The following DLGAP1 variants were observed in gnomAD, a reference collection of about 807,000 sequenced individuals.
The protein encoded by DLGAP1 is disks large-associated protein 1.
DLGAP1 carries 11 observed loss-of-function variants against 90.8 expected under a neutral mutation model. The observed-to-expected ratio is 0.12, with a 90% CI of 0.08 to 0.20. The LOEUF is 0.20. Among genes scored for constraint, DLGAP1 ranks in the 10% least tolerant of loss-of-function variants. DLGAP1 has a pLI of 1.00. For synonymous variants in DLGAP1, 558 were observed against 540.7 expected (o/e 1.03, Z -0.44); for missense variants, 1,050 against 1,333.8 (o/e 0.79, Z 3.31).
chr18:4,115,240 CCTTTCCCCTCTTTTGGGTACTAT>C (rs1444727581), intron 2 of DLGAP1, among the ~76,000 whole-genome samples: 1 of 151,884 alleles, frequency 6.6e-6, no homozygotes, highest in Non-Finnish European at 1.5e-5. Flanking sequence ...TGTGTCTATT[CCTTTCCCCTCTTTTGGGTACTAT>C]TAATGTTGTG....
At chr18:4,095,616 C>T (rs1014640250) in intron 2 of DLGAP1, among the ~76,000 whole-genome samples, 1 of 151,680 alleles carries the variant, frequency 6.6e-6, no homozygotes, top group South Asian at 2.1e-4. Flanking sequence ...TTCTTGTGCC[C>T]CAAGTCAGGG....
chr18:3,734,779 T>C (rs1442874331), intron 6 of DLGAP1, among the ~76,000 whole-genome samples: 1 of 152,242 alleles, frequency 6.6e-6, no homozygotes, highest in Non-Finnish European at 1.5e-5. Flanking sequence ...CTTTTCTTAC[T>C]AATTTGTAGA....
chr18:4,249,917 A>G (rs1011860716), intron 1 of DLGAP1, among the ~76,000 whole-genome samples: 9 of 152,136 alleles, frequency 5.9e-5, no homozygotes, highest in African/African-American at 2.2e-4. Flanking sequence ...CCATATCCAT[A>G]TATTTATAAA....
chr18:4,063,178 A>C (rs1031576357), intron 2 of DLGAP1, among the ~76,000 whole-genome samples: 3 of 152,220 alleles, frequency 2.0e-5, no homozygotes, highest in Admixed American at 2.0e-4. Context: ...TTCTCTAATG[A>C]GAGGCGATAA....
intron 1 of DLGAP1, among the ~76,000 whole-genome samples, chr18:4,324,055 C>A (rs528297249): frequency 1.2e-4 from 18 of 151,440 alleles, no homozygotes; most frequent in African/African-American, 4.4e-4. Context: ...ATTGAAAAAC[C>A]ATACAAAAGA....
At position 4,067,482 on chromosome 18, in the gene DLGAP1, T is replaced by C. The variant is rs193202535; in HGVS notation, c.-158-62281A>G. Among the ~76,000 whole-genome samples, 511 of 152,176 alleles carry C rather than the reference T, an allele frequency of 3.4e-3. 11 individuals carry two copies. The highest frequency in any genetic ancestry group is 1.0e-3 in the Non-Finnish European group (68 of 67,984). ...TCTCCCTTTGGAATTCAGGCACAGT[T>C]GACCAGCGTTAACATTAAAACAGAC... On this transcript the variant is annotated intron_variant, in intron 2 of 12. Coordinates refer to ENST00000315677, the MANE Select transcript of DLGAP1 (RefSeq NM_004746.4).
rs1452211498 is a variant in DLGAP1, at chr18:3,659,391, T to TTATA, written c.1591+69740_1591+69743dup. ...TCAGGGTAAGCCGTAACACATACAT[T>TTATA]TATACACACACACACACACACACAC... On this transcript the variant is annotated intron_variant, in intron 7 of 12. Coordinates refer to ENST00000315677, the MANE Select transcript of DLGAP1 (RefSeq NM_004746.4). 7.8e-3 allele frequency among the ~76,000 whole-genome samples: 477 copies of TTATA among 61,388 alleles called. 6 individuals carry two copies. Among genetic ancestry groups the TTATA allele is most frequent in the African/African-American group, 0.027 (409 of 14,958 alleles). 40.3% of individuals were successfully genotyped at this position (61,388 alleles called of 152,430 possible).
At chr18:4,320,773 G>A in intron 1 of DLGAP1, among the ~76,000 whole-genome samples, 1 of 144,244 alleles carries the variant, frequency 6.9e-6, no homozygotes, top group Admixed American at 6.9e-5. Flanking sequence ...CAATACCAAT[G>A]CAAAAAGAAA....
At chr18:3,860,928 T>C (rs28484765) in intron 4 of DLGAP1, among the ~76,000 whole-genome samples, 20,766 of 152,282 alleles carry the variant, frequency 0.14, 1,495 homozygotes, top group South Asian at 0.24. Flanking sequence ...TTATCCTCCA[T>C]CCTTCCTTAC....
intron 5 of DLGAP1, among the ~76,000 whole-genome samples, chr18:3,746,871 A>G (rs748317283): frequency 2.6e-5 from 4 of 152,200 alleles, no homozygotes; most frequent in Non-Finnish European, 5.9e-5. Flanking sequence ...ATTGTGTACG[A>G]TTGCATCTAT....
rs371113673 is a variant in DLGAP1, at chr18:4,006,893, C to T, written c.-158-1692G>A. ...GCACTCCTGGCCTCAAGTTATCCTC[C>T]TACCTCGGCCTACTAAAGTGCTGGG... On this transcript the variant is annotated intron_variant, in intron 2 of 12. Transcript: ENST00000315677. 2.9e-4 allele frequency among the ~76,000 whole-genome samples: 44 copies of T among 152,236 alleles called. No homozygotes were observed. In the Middle Eastern group the frequency reaches 0.014, roughly 47 times the overall value.
chr18:4,226,425 T>G (rs1242298104), intron 1 of DLGAP1, among the ~76,000 whole-genome samples: 2 of 151,980 alleles, frequency 1.3e-5, no homozygotes, highest in Non-Finnish European at 2.9e-5. Flanking sequence ...GTGGGTAAAC[T>G]TTTCATATCT....
chr18:4,146,399 A>G (rs973284121), intron 2 of DLGAP1, among the ~76,000 whole-genome samples: 3 of 152,060 alleles, frequency 2.0e-5, no homozygotes, highest in African/African-American at 7.2e-5. Flanking sequence ...TTTCAACTCT[A>G]TTTTCAAATA....
chr18:4,012,285 G>T (rs575849488), intron 2 of DLGAP1, among the ~76,000 whole-genome samples: 4 of 152,250 alleles, frequency 2.6e-5, no homozygotes, highest in African/African-American at 9.6e-5. Flanking sequence ...GACTTTAGTG[G>T]ATCCCCATGG....
intron 2 of DLGAP1, among the ~76,000 whole-genome samples, chr18:4,052,930 C>CTT (rs2075156965): frequency 2.0e-5 from 3 of 152,296 alleles, no homozygotes; most frequent in South Asian, 2.1e-4. Flanking sequence ...CCATCTGAGA[C>CTT]CACCTCAGTC....
intron 3 of DLGAP1, among the ~76,000 whole-genome samples, chr18:3,971,479 C>T (rs1369122162): frequency 6.6e-6 from 1 of 151,992 alleles, no homozygotes; most frequent in Non-Finnish European, 1.5e-5. Flanking sequence ...TGCATGTATA[C>T]CTGAAACATG....
chr18:3,843,513 A>C (rs2068835905), intron 4 of DLGAP1, among the ~76,000 whole-genome samples: 1 of 152,232 alleles, frequency 6.6e-6, no homozygotes, highest in South Asian at 2.1e-4. Context: ...AACATAGATC[A>C]ATCTATAGGT....
intron 3 of DLGAP1, among the ~76,000 whole-genome samples, chr18:3,968,797 C>G (rs2073384165): frequency 2.0e-5 from 3 of 151,858 alleles, no homozygotes; most frequent in African/African-American, 7.3e-5. Flanking sequence ...TAAGTAATAC[C>G]ATGCAAGGGA....
At chr18:4,283,567 C>A (rs1056162312) in intron 1 of DLGAP1, among the ~76,000 whole-genome samples, 2 of 152,230 alleles carry the variant, frequency 1.3e-5, no homozygotes, top group Admixed American at 1.3e-4. Context: ...CTCCACACAC[C>A]CTTTTCTTCA....
Sources: allele counts gnomAD v4.1 joint callset (sites outside exome capture counted in the v4.1 genomes callset), GRCh38; gene constraint gnomAD v4.1.1; transcripts MANE v1.5; gene names NCBI Gene and HGNC (gene_info 2026-07-23, HGNC 2026-07-21).